Variants in NT5DC4 observed in about 807,000 individuals in gnomAD.
NT5DC4 encodes 5'-nucleotidase domain-containing protein 4.
In NT5DC4, 44 loss-of-function variants were observed where a neutral mutation model predicts 26.6. That is an observed-to-expected ratio of 1.65 (90% CI 1.30 to 2.13). NT5DC4 has a LOEUF of 2.13. NT5DC4 is among the 30% of genes most tolerant of loss of function. The probability of loss-of-function intolerance (pLI) is 0.00; values close to 1 mark genes in which losing one functional copy is unlikely to be tolerated. For missense variants in NT5DC4, 399 were observed against 228.1 expected, an observed-to-expected ratio of 1.75 and a Z score of -4.83; for synonymous variants, 157 against 86.7, an observed-to-expected ratio of 1.81 and a Z score of -4.51.
chr2:112,740,721 G>T, downstream of NT5DC4: 1 of 952,866 alleles, frequency 1.0e-6, no homozygotes, highest in Non-Finnish European at 1.6e-6. Flanking sequence ...CCTCACTGCA[G>T]GTCAGGTCTC....
chr2:112,723,254 C>T (rs934252188), intron 7 of NT5DC4, 80 bp downstream of exon 7: 19 of 714,986 alleles, frequency 2.7e-5, no homozygotes, highest in Non-Finnish European at 4.7e-5. Context: ...CCTCCAGTCC[C>T]CATAGCGTTT....
At chr2:112,721,913 C>A in intron 2 of NT5DC4, 22 bp downstream of exon 2, 1 of 717,346 alleles carries the variant, frequency 1.4e-6, no homozygotes, top group Admixed American at 2.0e-5. Context: ...TGGAACACAG[C>A]GTATTGGGAG....
At chr2:112,719,984 T>TTTTTTCTCTCTC (rs1676736990), upstream of NT5DC4, among the ~76,000 whole-genome samples, 1 of 130,870 alleles carries the variant, frequency 7.6e-6, no homozygotes, top group East Asian at 2.1e-4. Context: ...CTTTCTTTCT[T>TTTTTTCTCTCTC]TCTTTTTCTT....
intron 15 of NT5DC4, among the ~76,000 whole-genome samples, chr2:112,728,413 CAG>C (rs1678035108): frequency 6.6e-6 from 1 of 152,154 alleles, no homozygotes; most frequent in Non-Finnish European, 1.5e-5. Context: ...GGGTTAAAAA[CAG>C]GGTGGTAGAG....
intron 16 of NT5DC4, among the ~76,000 whole-genome samples, chr2:112,733,251 GT>G (rs11309353): frequency 0.51 from 74,730 of 147,636 alleles, 19,466 homozygotes; most frequent in African/African-American, 0.68. Context: ...TATTTGGGTA[GT>G]TTTTTTTTTT....
At chr2:112,720,750 G>A (rs534998793), upstream of NT5DC4, among the ~76,000 whole-genome samples, 38 of 152,282 alleles carry the variant, frequency 2.5e-4, no homozygotes, top group Middle Eastern at 3.4e-3. Context: ...TTTGTATCCC[G>A]TCATTTGCCT....
intron 6 of NT5DC4, 39 bp downstream of exon 6, chr2:112,722,810 A>G: frequency 2.8e-6 from 2 of 711,370 alleles, no homozygotes; most frequent in Non-Finnish European, 5.2e-6. Context: ...GACGACCAGT[A>G]GGACACTGCT....
upstream of NT5DC4, among the ~76,000 whole-genome samples, chr2:112,719,904 TTTTCTTTCTTTCTTTCTTTCTC>T (rs1199612111): frequency 6.4e-3 from 631 of 98,654 alleles, 11 homozygotes; most frequent in African/African-American, 0.025. Flanking sequence ...CTTTCTTTCT[TTTTCTTTCTTTCTTTCTTTCTC>T]TTTCTTTCTT....
chr2:112,739,936 G>A (rs1370182191), downstream of NT5DC4, among the ~76,000 whole-genome samples: 1 of 152,034 alleles, frequency 6.6e-6, no homozygotes, highest in Non-Finnish European at 1.5e-5. Flanking sequence ...TTACAGGCAT[G>A]AGCCACCATG....
At chr2:112,723,893 G>T in intron 9 of NT5DC4, 91 bp downstream of exon 9, 2 of 698,246 alleles carry the variant, frequency 2.9e-6, no homozygotes, top group South Asian at 3.1e-5. Context: ...GGGGTGGGGC[G>T]GGGAGCCAAG....
rs1364223006 is a variant in NT5DC4 at position 112,723,775 on chromosome 2, C to A, written c.729C>A (p.Ala243=). Residue 243 remains alanine (A), a synonymous_variant, in exon 9 of 17, where the codon GCC becomes GCA. Transcript: ENST00000688554. The part of the protein sequence containing the change: ...KMKEVGKVFL[A]TNSSYNYTNA... ...AGGAGGTTGGGAAAGTGTTTCTGGC[C>A]ACCAACAGCAGCTACAACTACACCA... is the stretch of plus-strand genomic sequence containing the variant. 2.8e-6 allele frequency: 2 copies of A among 717,108 alleles called. No homozygotes were observed. Among genetic ancestry groups the A allele is most frequent in the African/African-American group, 3.5e-5 (2 of 57,250 alleles). The allele number at this position is 717,108 out of a possible 1,614,324, so 44.4% of individuals were successfully genotyped here.
chr2:112,736,224 ACT>A (rs1039807863), intron 16 of NT5DC4, among the ~76,000 whole-genome samples: 2 of 151,936 alleles, frequency 1.3e-5, no homozygotes, highest in African/African-American at 2.4e-5. Context: ...CTCACTTCAG[ACT>A]CTCTAAGCCT....
At position 112,725,486 on chromosome 2, in the gene NT5DC4, G is replaced by A. The variant is rs771619839; in HGVS notation, c.1087G>A (p.Gly363Ser). 2.8e-6 allele frequency: 2 copies of A among 717,198 alleles called. No homozygotes were observed. The highest frequency in any genetic ancestry group is 5.2e-6 in the Non-Finnish European group (2 of 384,960). The allele number at this position is 717,198 out of a possible 1,614,324, so 44.4% of individuals were successfully genotyped here. ...CATTCTCAAGTCCAAGAAGCGTCAG[G>A]GCTGGCGGACTTGCCTGGTGGTTCC... ...GDILKSKKRQGWRTCLVVPEL... is the reference protein window; with the variant it reads ...GDILKSKKRQSWRTCLVVPEL... The change falls in exon 13 of 17, where the codon GGC (glycine) becomes AGC (serine). Residue 363 changes from glycine to serine, a missense_variant. Physicochemically the swap from Gly to Ser is moderately conservative, Grantham distance 56. Transcript: ENST00000688554.
chr2:112,740,792 C>T (rs1480745726), downstream of NT5DC4: 1 of 1,571,838 alleles, frequency 6.4e-7, no homozygotes, highest in Non-Finnish European at 8.7e-7. Context: ...TCTGTGAACA[C>T]AAAGTCTGCT....
rs1401573930 is a variant in NT5DC4 at position 112,725,402 on chromosome 2, G to A, written c.1003G>A (p.Glu335Lys). ...YSGGSSDMVCELLGVRGMDIL... is the reference protein window; with the variant it reads ...YSGGSSDMVCKLLGVRGMDIL... ...GGCAGGCTCTTCGGACATGGTGTGC[G>A]AGCTGCTTGGGGTTCGGGGGATGGA... The change falls in exon 13 of 17, where the codon GAG becomes AAG. Residue 335 changes from glutamate (E) to lysine (K), a missense_variant. Transcript: ENST00000688554. 4 of 712,478 alleles carry A rather than the reference G, an allele frequency of 5.6e-6. No homozygotes were observed. The highest frequency in any genetic ancestry group is 3.5e-5 in the African/African-American group (2 of 57,188). 44.1% of individuals were successfully genotyped at this position (712,478 alleles called of 1,614,324 possible).
chr2:112,742,841 T>C (rs1680061278), downstream of NT5DC4: 1 of 936,542 alleles, frequency 1.1e-6, no homozygotes, highest in African/African-American at 1.7e-5. Flanking sequence ...GAACTTTAAC[T>C]TCAAATACAT....
rs775309160 is a variant in NT5DC4, at chr2:112,722,512, G to A, written c.392G>A (p.Ser131Asn). Residue 131 changes from serine to asparagine, a missense_variant, in exon 5 of 17, where the codon AGC (serine) becomes AAC (asparagine). Coordinates refer to ENST00000688554, the MANE Select transcript of NT5DC4 (RefSeq NM_001393655.1). ...CCCCTCCTCAGGGCAGAGATCTGGA[G>A]CTTCTACCCCAGCAAGTTCATTCAG... is the stretch of plus-strand genomic sequence containing the variant. ...DLPLLRAEIW[S>N]FYPSKFIQRD... 17 of 717,400 alleles carry A rather than the reference G, an allele frequency of 2.4e-5. No homozygotes were observed. The South Asian group carries it at 2.5e-4, about 11-fold the overall frequency. The allele number at this position is 717,400 out of a possible 1,614,324, so 44.4% of individuals were successfully genotyped here.
In NT5DC4 at chr2:112,726,281, CAT is replaced by C. The variant is rs2104749172; in HGVS notation, c.1201_1202del (p.Tyr401ProfsTer9). On this transcript the variant is annotated frameshift_variant, in exon 14 of 17. Coordinates refer to ENST00000688554, the MANE Select transcript of NT5DC4 (RefSeq NM_001393655.1). LOFTEE classifies it high-confidence loss of function. ...AGAGACTGGACACGCACCTGGCAGA[CAT>C]ATACCAGTGAGACCCTGGCCTTTCT... is the stretch of plus-strand genomic sequence containing the variant. ...LKRLDTHLAD[I>X]YQHMDGSSCE... 1.4e-6 allele frequency: 1 copy of C among 717,176 alleles called. No individual in the cohort carries two copies. Among genetic ancestry groups the C allele is most frequent in the East Asian group, 2.7e-5 (1 of 37,258 alleles). The allele number at this position is 717,176 out of a possible 1,614,324, so 44.4% of individuals were successfully genotyped here.
chr2:112,720,429 G>A (rs76043165), upstream of NT5DC4, among the ~76,000 whole-genome samples: 474 of 152,234 alleles, frequency 3.1e-3, no homozygotes, highest in Non-Finnish European at 4.6e-3. Context: ...CCAGGTCACC[G>A]CTCCAAATGG....
Sources: allele counts gnomAD v4.1 joint callset (sites outside exome capture counted in the v4.1 genomes callset), GRCh38; gene constraint gnomAD v4.1.1; transcripts MANE v1.5; gene names NCBI Gene and HGNC (gene_info 2026-07-23, HGNC 2026-07-21).